Variants in DIAPH3 observed in about 807,000 individuals in gnomAD.
DIAPH3 encodes diaphanous related formin 3.
Under a neutral mutation model 144.3 loss-of-function variants are expected in DIAPH3, and 117 were observed. The ratio of observed to expected loss-of-function variants is 0.81; its 90% CI spans 0.70 to 0.95. DIAPH3 has a LOEUF of 0.95. Ranked by LOEUF, DIAPH3 falls within the 40% of genes least tolerant of loss-of-function variation. DIAPH3 has a pLI of 0.00. For synonymous variants in DIAPH3, 519 were observed against 488.9 expected (o/e 1.06, Z -0.81); for missense variants, 1,421 against 1,412.7 (o/e 1.01, Z -0.09).
intron 19 of DIAPH3, 85 bp from the exon 20 acceptor site, chr13:59,911,921 A>T: frequency 9.2e-7 from 1 of 1,082,924 alleles, no homozygotes; most frequent in Non-Finnish European, 1.4e-6. Context: ...ACTGAAAGAA[A>T]ACCAGTGAAG....
intron 27 of DIAPH3, among the ~76,000 whole-genome samples, chr13:59,760,287 A>T (rs150069948): frequency 1.3e-5 from 2 of 152,358 alleles, no homozygotes; most frequent in East Asian, 3.9e-4. Flanking sequence ...AAGTTATGAA[A>T]TATGCTTTCC....
At chr13:59,711,186 C>T (rs547115694) in intron 27 of DIAPH3, among the ~76,000 whole-genome samples, 2 of 152,284 alleles carry the variant, frequency 1.3e-5, no homozygotes, top group East Asian at 1.9e-4. Context: ...ATACACTCCC[C>T]AAGGTCCAAG....
At chr13:59,785,664 G>A (rs999853653) in intron 25 of DIAPH3, among the ~76,000 whole-genome samples, 2 of 152,118 alleles carry the variant, frequency 1.3e-5, no homozygotes, top group African/African-American at 4.8e-5. Flanking sequence ...TTGCTGATTA[G>A]TCAATGCAAC....
chr13:60,152,750 G>C (rs1010801718), intron 1 of DIAPH3, among the ~76,000 whole-genome samples: 1 of 151,666 alleles, frequency 6.6e-6, no homozygotes, highest in Non-Finnish European at 1.5e-5. Flanking sequence ...TTTAAAGATT[G>C]CAAGTTTCTT....
intron 17 of DIAPH3, among the ~76,000 whole-genome samples, chr13:59,939,163 G>A (rs1225321997): frequency 2.6e-5 from 4 of 152,062 alleles, no homozygotes; most frequent in Non-Finnish European, 4.4e-5. Context: ...AAATGTATAC[G>A]TTCTTTCCCA....
intron 25 of DIAPH3, among the ~76,000 whole-genome samples, chr13:59,782,321 G>A (rs1016139424): frequency 6.6e-6 from 1 of 152,038 alleles, no homozygotes; most frequent in Non-Finnish European, 1.5e-5. Context: ...GAGGGCATTA[G>A]GGAACTAAAT....
intron 7 of DIAPH3, 21 bp downstream of exon 7, chr13:60,015,892 A>G (rs1421813562): frequency 1.3e-6 from 2 of 1,594,662 alleles, no homozygotes; most frequent in Admixed American, 1.7e-5. Flanking sequence ...ACGGACAAAT[A>G]CTAATTACGT....
At chr13:59,889,955 G>A (rs2045686299) in intron 20 of DIAPH3, among the ~76,000 whole-genome samples, 1 of 152,110 alleles carries the variant, frequency 6.6e-6, no homozygotes, top group South Asian at 2.1e-4. Flanking sequence ...TCTTTAGGGT[G>A]TGGCCCTACT....
intron 25 of DIAPH3, among the ~76,000 whole-genome samples, chr13:59,807,066 A>T (rs986380896): frequency 2.0e-5 from 3 of 151,916 alleles, no homozygotes; most frequent in African/African-American, 4.8e-5. Context: ...TGATTTTTTT[A>T]AAAATGAAAA....
In DIAPH3 at chr13:60,086,502, T is replaced by C. The variant is rs535656709; in HGVS notation, c.495+7126A>G. 3.9e-5 allele frequency among the ~76,000 whole-genome samples: 6 copies of C among 152,278 alleles called. No homozygotes were observed. The South Asian group carries it at 1.2e-3, about 32-fold the overall frequency. On this transcript the variant is annotated intron_variant, in intron 4 of 27. Transcript: ENST00000400324. ...AGGCAAAGCATCATAAGCAAGGGCA[T>C]TGTGTTTATTAGATACATCTAATGT...
At chr13:59,744,120 T>C (rs1320088645) in intron 27 of DIAPH3, among the ~76,000 whole-genome samples, 2 of 152,198 alleles carry the variant, frequency 1.3e-5, no homozygotes, top group Non-Finnish European at 2.9e-5. Flanking sequence ...CCCTATGACT[T>C]GTACATTTTC....
Position 59,903,538 on chromosome 13 carries a change from C to T in DIAPH3, c.2367+8197G>A, listed in dbSNP as rs188228066. Among the ~76,000 whole-genome samples the T allele has an allele frequency of 3.3e-3, 502 of 151,302 alleles. 2 individuals are homozygous for T. The highest frequency in any genetic ancestry group is 0.011 in the African/African-American group (462 of 41,174). ...CTGAGTTAAAAATCAGGAAAACGTTCAATCTAAGATGTTGTACTAGACAAA... is the reference window on the plus strand; with the variant it reads ...CTGAGTTAAAAATCAGGAAAACGTTTAATCTAAGATGTTGTACTAGACAAA... On this transcript the variant is annotated intron_variant, in intron 20 of 27. Coordinates refer to ENST00000400324, the MANE Select transcript of DIAPH3 (RefSeq NM_001042517.2).
chr13:59,917,847 A>C (rs757929141), intron 18 of DIAPH3, among the ~76,000 whole-genome samples: 5 of 131,054 alleles, frequency 3.8e-5, no homozygotes, highest in Admixed American at 9.6e-5. Flanking sequence ...CCAAGATTGC[A>C]CCACTGCACT....
chr13:60,113,942 C>T (rs960572258), intron 2 of DIAPH3, among the ~76,000 whole-genome samples: 1 of 152,134 alleles, frequency 6.6e-6, no homozygotes, highest in African/African-American at 2.4e-5. Flanking sequence ...GCCAATGGCT[C>T]GGAGCAGAAC....
intron 2 of DIAPH3, among the ~76,000 whole-genome samples, chr13:60,130,931 G>A (rs1474559020): frequency 6.6e-6 from 1 of 152,104 alleles, no homozygotes; most frequent in African/African-American, 2.4e-5. Flanking sequence ...ATATAAGATA[G>A]AGCAACATGG....
At chr13:60,159,160 A>G (rs572510136) in intron 1 of DIAPH3, among the ~76,000 whole-genome samples, 262 of 152,262 alleles carry the variant, frequency 1.7e-3, no homozygotes, top group African/African-American at 5.8e-3. Flanking sequence ...CCAACCTTGT[A>G]TATCTTCTCA....
intron 20 of DIAPH3, 152 bp from the exon 21 acceptor site, chr13:59,879,620 C>T (rs568748995): frequency 7.7e-6 from 9 of 1,168,026 alleles, no homozygotes; most frequent in East Asian, 5.2e-5. Context: ...GAGAAAAGCC[C>T]TGCTTGTTTT....
intron 17 of DIAPH3, among the ~76,000 whole-genome samples, chr13:59,952,699 T>C (rs771669651): frequency 6.6e-6 from 1 of 152,174 alleles, no homozygotes; most frequent in Non-Finnish European, 1.5e-5. Context: ...AGAGCTAAAG[T>C]CATCAGAGGC....
At chr13:59,821,842 C>G (rs565585202) in intron 24 of DIAPH3, among the ~76,000 whole-genome samples, 13 of 152,234 alleles carry the variant, frequency 8.5e-5, no homozygotes, top group Admixed American at 3.3e-4. Context: ...ATTCAATATG[C>G]GTTGCTATTA....
Sources: gnomAD v4.1 joint callset for allele counts (sites outside exome capture counted in the v4.1 genomes callset) on GRCh38, gnomAD v4.1.1 for gene constraint, MANE v1.5 for transcripts, NCBI Gene and HGNC (gene_info 2026-07-23, HGNC 2026-07-21) for gene names.